SIMC1: variants seen among roughly 807,000 people sequenced by gnomAD.
SIMC1 encodes SUMO-interacting motif-containing protein 1.
Under a neutral mutation model 82.3 loss-of-function variants are expected in SIMC1, and 55 were observed. That is an observed-to-expected ratio of 0.67 (90% CI 0.54 to 0.84). The LOEUF is 0.84. Ranked by LOEUF, SIMC1 falls within the 40% of genes least tolerant of loss-of-function variation. SIMC1 has a pLI of 0.00. For missense variants in SIMC1, 915 were observed against 1,107.2 expected, an observed-to-expected ratio of 0.83 and a Z score of 2.46; for synonymous variants, 353 against 426.3, an observed-to-expected ratio of 0.83 and a Z score of 2.12.
chr5:176,281,422 T>A (rs1036683046), intron 1 of SIMC1, among the ~76,000 whole-genome samples: 17 of 152,224 alleles, frequency 1.1e-4, no homozygotes, highest in African/African-American at 4.1e-4. Flanking sequence ...CCTTCTTCTC[T>A]CAACTCGTCA....
At chr5:176,260,436 C>G (rs1456268359) in intron 1 of SIMC1, among the ~76,000 whole-genome samples, 2 of 152,052 alleles carry the variant, frequency 1.3e-5, no homozygotes, top group Non-Finnish European at 2.9e-5. Flanking sequence ...CAAATACCAC[C>G]TGTTACCCAA....
At chr5:176,313,378 G>A in intron 4 of SIMC1, 1 of 1,529,880 alleles carries the variant, frequency 6.5e-7, no homozygotes, top group East Asian at 2.4e-5. Flanking sequence ...GATTCCAGTA[G>A]ATATCTGATT....
chr5:176,293,009 G>A (rs1484771154), intron 2 of SIMC1, among the ~76,000 whole-genome samples: 1 of 152,146 alleles, frequency 6.6e-6, no homozygotes, highest in Non-Finnish European at 1.5e-5. Flanking sequence ...TTTACGCCAC[G>A]TGTGTTTGAA....
chr5:176,345,519 T>C lies in SIMC1; in HGVS notation c.*74T>C, dbSNP rs1030262985. On this transcript the variant is annotated 3_prime_UTR_variant, in exon 10 of 10. Transcript: ENST00000429602. ...CAACTGCTCAGAAGCTCTAAAAGCA[T>C]GAAAAGTGGTTAAAATCTTACAGGA... 6.7e-6 allele frequency: 10 copies of C among 1,498,132 alleles called. No individual in the cohort carries two copies. The highest frequency in any genetic ancestry group is 8.9e-6 in the Non-Finnish European group (10 of 1,121,060). 92.8% of individuals were successfully genotyped at this position (1,498,132 alleles called of 1,614,324 possible). A position where few individuals can be genotyped will look rare whatever the true frequency, so the allele number is the denominator to read the frequency against.
intron 1 of SIMC1, among the ~76,000 whole-genome samples, chr5:176,272,768 C>T (rs943083656): frequency 6.6e-5 from 10 of 152,212 alleles, no homozygotes; most frequent in Middle Eastern, 3.2e-3. Flanking sequence ...TCTTAGCAAA[C>T]GGCACACCAG....
chr5:176,284,002 C>T (rs1278218897), intron 1 of SIMC1, among the ~76,000 whole-genome samples: 3 of 152,290 alleles, frequency 2.0e-5, no homozygotes, highest in East Asian at 3.9e-4. Flanking sequence ...GCACCCAATA[C>T]AGGAGCCCCC....
rs578048115 is a variant in SIMC1, at chr5:176,327,160, C to CA, written c.2171+2412dup. Among the ~76,000 whole-genome samples the CA allele has an allele frequency of 3.7e-3, 562 of 151,112 alleles. 4 individuals are homozygous for CA. The highest frequency in any genetic ancestry group is 0.013 in the African/African-American group (535 of 41,264). On this transcript the variant is annotated intron_variant, in intron 7 of 9. Coordinates refer to ENST00000429602, the MANE Select transcript of SIMC1 (RefSeq NM_001308195.2). ...AATGGGAAAGCTAAGGAATAGGTAA[C>CA]AAAAAAAAATTAGGAATTAAAACAG... is the stretch of plus-strand genomic sequence containing the variant.
At chr5:176,311,450 C>T (rs771651167) in intron 4 of SIMC1, among the ~76,000 whole-genome samples, 1 of 151,706 alleles carries the variant, frequency 6.6e-6, no homozygotes, top group Non-Finnish European at 1.5e-5. Context: ...CACTATGTTT[C>T]CGGGGCTGGT....
intron 1 of SIMC1, among the ~76,000 whole-genome samples, chr5:176,280,949 C>T (rs558281145): frequency 3.5e-4 from 53 of 152,272 alleles, no homozygotes; most frequent in African/African-American, 1.2e-3. Context: ...GTGGCGTTCT[C>T]TGTATTTCCT....
chr5:176,246,200 C>T (rs531222904), intron 1 of SIMC1, among the ~76,000 whole-genome samples: 2 of 151,118 alleles, frequency 1.3e-5, no homozygotes, highest in East Asian at 2.0e-4. Context: ...TTCGTAGAGA[C>T]GGGGTTTCAC....
chr5:176,253,000 C>T (rs901841910), intron 1 of SIMC1, among the ~76,000 whole-genome samples: 4 of 152,116 alleles, frequency 2.6e-5, no homozygotes, highest in East Asian at 1.9e-4. Flanking sequence ...ACCAGTCAGG[C>T]GTGGCGCGCG....
At position 176,345,605 on chromosome 5, in the gene SIMC1, T is replaced by A. The variant is rs868282239; in HGVS notation, c.*160T>A. The A allele has an allele frequency of 5.7e-6, 4 of 707,848 alleles. No individual in the cohort carries two copies. Among genetic ancestry groups the A allele is most frequent in the Admixed American group, 3.4e-5 (1 of 29,032 alleles). The allele number at this position is 707,848 out of a possible 1,614,324, so 43.8% of individuals were successfully genotyped here. A position where few individuals can be genotyped will look rare whatever the true frequency, so the allele number is the denominator to read the frequency against. On this transcript the variant is annotated 3_prime_UTR_variant, in exon 10 of 10. Transcript: ENST00000429602. The stretch of plus-strand genomic sequence containing the variant: ...TCTAACTCTAGTAAATATCTTTTTT[T>A]AAATAATCCTATCCTAGCCTGTTCT...
intron 1 of SIMC1, among the ~76,000 whole-genome samples, chr5:176,271,221 A>C (rs1762410911): frequency 6.6e-6 from 1 of 152,164 alleles, no homozygotes; most frequent in Non-Finnish European, 1.5e-5. Context: ...TTAGCCAGGC[A>C]TGGTGGCAGG....
chr5:176,301,349 T>A (rs1308664636), intron 4 of SIMC1, among the ~76,000 whole-genome samples: 1 of 152,212 alleles, frequency 6.6e-6, no homozygotes, highest in Non-Finnish European at 1.5e-5. Context: ...TCATTCGCCT[T>A]TTGCCATGAT....
intron 4 of SIMC1, among the ~76,000 whole-genome samples, chr5:176,306,542 G>A (rs1173549684): frequency 1.3e-5 from 2 of 150,448 alleles, no homozygotes; most frequent in Admixed American, 1.3e-4. Context: ...GTAGACATGG[G>A]AGAGTTTTCA....
chr5:176,284,526 T>A lies in SIMC1; in HGVS notation c.130-5128T>A, dbSNP rs577345115. ...AATCTCTGGGATACATTTAAAGCAG[T>A]GTGTAGAGGGAAATTTATAGCACTA... On this transcript the variant is annotated intron_variant, in intron 1 of 9. Coordinates refer to ENST00000429602, the MANE Select transcript of SIMC1 (RefSeq NM_001308195.2). Among the ~76,000 whole-genome samples the A allele has an allele frequency of 1.4e-4, 22 of 152,268 alleles. No individual in the cohort carries two copies. The East Asian group carries it at 4.2e-3, about 29-fold the overall frequency.
chr5:176,305,172 G>T (rs1454305773), intron 4 of SIMC1, among the ~76,000 whole-genome samples: 1 of 52,082 alleles, frequency 1.9e-5, no homozygotes, highest in Non-Finnish European at 4.2e-5. Context: ...GGCCAGCCGT[G>T]CCGTCCGGGA....
intron 1 of SIMC1, among the ~76,000 whole-genome samples, chr5:176,250,159 C>T (rs1761602135): frequency 6.6e-6 from 1 of 152,230 alleles, no homozygotes; most frequent in Admixed American, 6.6e-5. Flanking sequence ...TTATTTCTGC[C>T]TTAATGTCGT....
At chr5:176,270,678 G>A (rs879385143) in intron 1 of SIMC1, among the ~76,000 whole-genome samples, 8 of 152,216 alleles carry the variant, frequency 5.3e-5, no homozygotes, top group African/African-American at 1.2e-4. Flanking sequence ...AAGGGAAAGC[G>A]AAGTGATTGT....
Sources: gnomAD v4.1 joint callset for allele counts (sites outside exome capture counted in the v4.1 genomes callset) on GRCh38, gnomAD v4.1.1 for gene constraint, MANE v1.5 for transcripts, NCBI Gene and HGNC (gene_info 2026-07-23, HGNC 2026-07-21) for gene names.